Variants in VPS13B observed in about 807,000 individuals in gnomAD.
The protein encoded by VPS13B is vacuolar protein sorting 13 homolog B.
A neutral mutation model predicts 426.4 loss-of-function variants in VPS13B; 285 were observed. The ratio of observed to expected loss-of-function variants is 0.67; its 90% CI spans 0.61 to 0.74. The LOEUF (loss-of-function observed/expected upper bound fraction) is 0.74, where lower values mean the gene tolerates loss of function less well. Among genes scored for constraint, VPS13B ranks in the 30% least tolerant of loss-of-function variants. VPS13B has a pLI of 0.00. For missense variants in VPS13B, 4,537 were observed against 4,782.6 expected (o/e 0.95, Z 1.51); for synonymous variants, 1,676 against 1,676.4 (o/e 1.00, Z 0.01).
rs539114299 is a variant in VPS13B, at chr8:99,531,468, C to G, written c.4745+10458C>G. ...AAAACAGAAGTGTTATGAATCTTTT[C>G]TCTTTTCTCCTAGTAAAATTTAGTT... is the stretch of plus-strand genomic sequence containing the variant. On this transcript the variant is annotated intron_variant, in intron 30 of 61. Transcript: ENST00000357162. Among the ~76,000 whole-genome samples, 7 of 152,058 alleles carry G rather than the reference C, an allele frequency of 4.6e-5. No individual in the cohort carries two copies. In the South Asian group the frequency reaches 1.5e-3, roughly 32 times the overall value.
chr8:99,125,622 T>TA (rs1465527348), intron 8 of VPS13B, among the ~76,000 whole-genome samples: 1 of 152,166 alleles, frequency 6.6e-6, no homozygotes, highest in Non-Finnish European at 1.5e-5. Flanking sequence ...CTAGAGGCTG[T>TA]AGGATACAGG....
At chr8:99,633,348 C>T (rs1381265818) in intron 33 of VPS13B, among the ~76,000 whole-genome samples, 2 of 152,004 alleles carry the variant, frequency 1.3e-5, no homozygotes, top group Non-Finnish European at 2.9e-5. Flanking sequence ...AAACTAAATA[C>T]AAACTTTTCT....
At chr8:99,380,623 T>C (rs2133285882) in intron 19 of VPS13B, among the ~76,000 whole-genome samples, 1 of 152,246 alleles carries the variant, frequency 6.6e-6, no homozygotes, top group South Asian at 2.1e-4. Flanking sequence ...TTTTGGTTAT[T>C]TGAAGATTCT....
At chr8:99,024,320 T>TATCCATAA (rs1842039173) in intron 2 of VPS13B, among the ~76,000 whole-genome samples, 6 of 152,254 alleles carry the variant, frequency 3.9e-5, no homozygotes, top group African/African-American at 1.4e-4. Context: ...GTTGTTTGAG[T>TATCCATAA]TCCTTGTGTA....
intron 41 of VPS13B, 147 bp downstream of exon 41, chr8:99,777,103 T>C (rs1466524314): frequency 2.0e-6 from 2 of 997,160 alleles, no homozygotes; most frequent in Non-Finnish European, 3.1e-6. Context: ...TGGGGTTGAC[T>C]TGGCAAAACA....
intron 37 of VPS13B, 131 bp from the exon 38 acceptor site, chr8:99,720,214 G>T: frequency 1.3e-6 from 1 of 754,994 alleles, no homozygotes; most frequent in Non-Finnish European, 2.1e-6. Context: ...TACTTTTTAG[G>T]AATTATAGTT....
rs552281333 is a variant in VPS13B, at chr8:99,857,216, CAG to C, written c.10868-2087_10868-2086del. ...GGATTCAAGGGTTCCAACCCCACGA[CAG>C]GGGAGGACCTGCCACTGGCAGGAGC... On this transcript the variant is annotated intron_variant, in intron 56 of 61. Coordinates refer to ENST00000357162, the MANE Select transcript of VPS13B (RefSeq NM_152564.5). Among the ~76,000 whole-genome samples, 1,357 of 152,304 alleles carry C rather than the reference CAG, an allele frequency of 8.9e-3. 11 individuals are homozygous for C. Among genetic ancestry groups the C allele is most frequent in the Non-Finnish European group, 0.015 (1,041 of 68,014 alleles).
chr8:99,750,309 C>T (rs1378436510), intron 39 of VPS13B, among the ~76,000 whole-genome samples: 7 of 152,088 alleles, frequency 4.6e-5, no homozygotes, highest in African/African-American at 1.7e-4. Context: ...CCCCTGATGT[C>T]CCCTGTCTCC....
At chr8:99,313,242 C>T (rs1821113530) in intron 19 of VPS13B, among the ~76,000 whole-genome samples, 1 of 152,164 alleles carries the variant, frequency 6.6e-6, no homozygotes, top group South Asian at 2.1e-4. Context: ...GGGAGAAGCG[C>T]TCTGATTTTT....
At chr8:99,289,879 A>G (rs142968104) in intron 19 of VPS13B, among the ~76,000 whole-genome samples, 182 of 152,226 alleles carry the variant, frequency 1.2e-3, no homozygotes, top group African/African-American at 4.0e-3. Flanking sequence ...AAATACATCT[A>G]TTTTGAGTGG....
intron 56 of VPS13B, among the ~76,000 whole-genome samples, chr8:99,857,322 T>G (rs1816600246): frequency 6.6e-6 from 1 of 152,206 alleles, no homozygotes; most frequent in South Asian, 2.1e-4. Context: ...GGGACACTGC[T>G]TGGCCATAGC....
chr8:99,071,509 G>A (rs897903064), intron 3 of VPS13B, among the ~76,000 whole-genome samples: 3 of 152,130 alleles, frequency 2.0e-5, no homozygotes, highest in Non-Finnish European at 4.4e-5. Context: ...ACTATGACTC[G>A]TTGGGTCAGA....
At chr8:99,293,068 G>C (rs2133050026) in intron 19 of VPS13B, among the ~76,000 whole-genome samples, 1 of 152,052 alleles carries the variant, frequency 6.6e-6, no homozygotes, top group East Asian at 1.9e-4. Context: ...AGCCAAAAAA[G>C]AGCCCGCATC....
At chr8:99,678,587 A>G (rs745870334) in intron 35 of VPS13B, among the ~76,000 whole-genome samples, 19 of 151,932 alleles carry the variant, frequency 1.3e-4, no homozygotes, top group Non-Finnish European at 2.6e-4. Flanking sequence ...TTTTTAAGAA[A>G]AACTGTTTTG....
At chr8:99,600,948 CT>C (rs1381957674) in intron 33 of VPS13B, among the ~76,000 whole-genome samples, 1 of 151,968 alleles carries the variant, frequency 6.6e-6, no homozygotes, top group Non-Finnish European at 1.5e-5. Context: ...GGACTATTGT[CT>C]TTTTAAAGTT....
At chr8:99,246,030 GT>G (rs1400329402) in intron 17 of VPS13B, among the ~76,000 whole-genome samples, 2 of 152,084 alleles carry the variant, frequency 1.3e-5, no homozygotes, top group African/African-American at 2.4e-5. Context: ...TTTTTGTTTT[GT>G]TTTGTTTTTT....
intron 31 of VPS13B, among the ~76,000 whole-genome samples, chr8:99,568,606 T>A (rs1244451516): frequency 6.6e-6 from 1 of 152,048 alleles, no homozygotes; most frequent in East Asian, 1.9e-4. Flanking sequence ...TTTCATTTTT[T>A]AAGTTCCTAT....
chr8:99,875,131 G>C lies in VPS13B; in HGVS notation c.11746-287G>C, dbSNP rs1449176491. 4 of 451,978 alleles carry C rather than the reference G, an allele frequency of 8.8e-6. No individual in the cohort carries two copies. The East Asian group carries it at 1.8e-4, about 20-fold the overall frequency. 28.0% of individuals were successfully genotyped at this position (451,978 alleles called of 1,614,324 possible). A position where few individuals can be genotyped will look rare whatever the true frequency, so the allele number is the denominator to read the frequency against. On this transcript the variant is annotated intron_variant, in intron 61 of 61. Transcript: ENST00000357162. ...ATGACAGATGTTTTAATGGTGAGTA[G>C]AATGTTATCAAATCGTCAACTTCAA... is the stretch of plus-strand genomic sequence containing the variant.
chr8:99,358,788 T>C (rs1812334525), intron 19 of VPS13B, among the ~76,000 whole-genome samples: 1 of 152,196 alleles, frequency 6.6e-6, no homozygotes, highest in Non-Finnish European at 1.5e-5. Context: ...CATTATTATA[T>C]AGATCTTGAT....
Sources: allele counts gnomAD v4.1 joint callset (sites outside exome capture counted in the v4.1 genomes callset), GRCh38; gene constraint gnomAD v4.1.1; transcripts MANE v1.5; gene names NCBI Gene and HGNC (gene_info 2026-07-23, HGNC 2026-07-21).